The following SHROOM3 variants were observed in gnomAD, a reference collection of about 807,000 sequenced individuals.
The protein encoded by SHROOM3 is protein Shroom3.
In SHROOM3, 47 loss-of-function variants were observed where a neutral mutation model predicts 138.6. The ratio of observed to expected loss-of-function variants is 0.34; its 90% CI spans 0.27 to 0.43. The LOEUF (loss-of-function observed/expected upper bound fraction) is 0.43, where lower values mean the gene tolerates loss of function less well. Among genes scored for constraint, SHROOM3 ranks in the 20% least tolerant of loss-of-function variants. SHROOM3 has a pLI of 1.00. For synonymous variants in SHROOM3, 1,062 were observed against 1,063.3 expected, an observed-to-expected ratio of 1.00 and a Z score of 0.02; for missense variants, 2,491 against 2,596.5, an observed-to-expected ratio of 0.96 and a Z score of 0.88.
intron 2 of SHROOM3, among the ~76,000 whole-genome samples, chr4:76,686,262 T>G (rs1719336223): frequency 6.6e-6 from 1 of 152,054 alleles, no homozygotes; most frequent in Non-Finnish European, 1.5e-5. Context: ...CACCTCAGCC[T>G]CCCAAAGTGC....
chr4:76,577,474 A>T (rs896815391), intron 2 of SHROOM3, among the ~76,000 whole-genome samples: 3 of 152,156 alleles, frequency 2.0e-5, no homozygotes, highest in Non-Finnish European at 4.4e-5. Context: ...GGCAGCAATA[A>T]AGGACAGGGA....
rs200780065 is a variant in SHROOM3, at chr4:76,774,909, T to TA, written c.5623-3898dup. Reference sequence around the variant, plus strand: ...AAGCTATTTTGTATTGAGGTATACTTAAGTGATCTTATTTCTTGATTGATT... The same window carrying TA: ...AAGCTATTTTGTATTGAGGTATACTTAAAGTGATCTTATTTCTTGATTGATT... On this transcript the variant is annotated intron_variant, in intron 10 of 10. Coordinates refer to ENST00000296043, the MANE Select transcript of SHROOM3 (RefSeq NM_020859.4). 8.5e-4 allele frequency among the ~76,000 whole-genome samples: 129 copies of TA among 152,246 alleles called. No homozygotes were observed. In the East Asian group the frequency reaches 0.02, roughly 23 times the overall value.
intron 6 of SHROOM3, among the ~76,000 whole-genome samples, chr4:76,750,478 CA>C (rs1356980160): frequency 2.0e-5 from 3 of 151,894 alleles, no homozygotes; most frequent in African/African-American, 7.3e-5. Flanking sequence ...CACATGGACA[CA>C]AAGAAGGGAA....
chr4:76,696,426 G>A (rs1361808076), intron 2 of SHROOM3, among the ~76,000 whole-genome samples: 7 of 152,314 alleles, frequency 4.6e-5, no homozygotes, highest in South Asian at 2.1e-4. Flanking sequence ...TGGCTGGGGC[G>A]GAGGCCATTG....
At chr4:76,552,325 A>G (rs962921132) in intron 1 of SHROOM3, among the ~76,000 whole-genome samples, 2 of 150,890 alleles carry the variant, frequency 1.3e-5, no homozygotes, top group African/African-American at 2.4e-5. Context: ...CAGGCAACAC[A>G]GCAAAAGCCC....
intron 2 of SHROOM3, among the ~76,000 whole-genome samples, chr4:76,596,007 GCA>G (rs1027040413): frequency 1.3e-5 from 2 of 152,066 alleles, no homozygotes; most frequent in African/African-American, 2.4e-5. Context: ...ACCCCTGCAT[GCA>G]CACACACTGA....
At chr4:76,595,438 CTTCCTTACATTTG>C (rs2110051461) in intron 2 of SHROOM3, among the ~76,000 whole-genome samples, 1 of 152,300 alleles carries the variant, frequency 6.6e-6, no homozygotes, top group Non-Finnish European at 1.5e-5. Context: ...TGATGATTTT[CTTCCTTACATTTG>C]TTCCTCATGG....
chr4:76,635,800 T>A (rs1305200286), intron 2 of SHROOM3, among the ~76,000 whole-genome samples: 2 of 152,154 alleles, frequency 1.3e-5, no homozygotes, highest in African/African-American at 4.8e-5. Flanking sequence ...AGATGTGAGG[T>A]CCTCTGGATC....
Position 76,739,738 on chromosome 4 carries a change from G to C in SHROOM3, c.1565G>C (p.Gly522Ala). The C allele has an allele frequency of 6.2e-7, 1 of 1,614,194 alleles. No individual in the cohort carries two copies. Among genetic ancestry groups the C allele is most frequent in the African/African-American group, 1.3e-5 (1 of 75,036 alleles). The change falls in exon 5 of 11, where the codon GGA becomes GCA. Residue 522 changes from glycine to alanine, a missense_variant. This residue lies in a region of SHROOM3 where 1,733 missense variants were observed against 1,661.6 expected (regional missense o/e 1.04). Coordinates refer to ENST00000296043, the MANE Select transcript of SHROOM3 (RefSeq NM_020859.4). ...ATTGATGAGAATGGGAACCAGAATG[G>C]ATCTGGCAGGCCTGGGTTTGCCTTC... ...ATIDENGNQN[G>A]SGRPGFAFCQ...
At chr4:76,677,174 T>C (rs1485606874) in intron 2 of SHROOM3, among the ~76,000 whole-genome samples, 1 of 152,190 alleles carries the variant, frequency 6.6e-6, no homozygotes, top group Admixed American at 6.5e-5. Context: ...GCTTGGTTTT[T>C]CTTAGTGCCC....
At chr4:76,701,934 C>T (rs1304015167) in intron 2 of SHROOM3, among the ~76,000 whole-genome samples, 1 of 152,028 alleles carries the variant, frequency 6.6e-6, no homozygotes, top group Non-Finnish European at 1.5e-5. Context: ...AAAAATAAGG[C>T]TAATTTTACT....
intron 1 of SHROOM3, among the ~76,000 whole-genome samples, chr4:76,493,027 C>T (rs531357855): frequency 1.6e-4 from 25 of 152,080 alleles, no homozygotes; most frequent in Middle Eastern, 3.4e-3. Flanking sequence ...TCGACACCAA[C>T]CTGACCAGCA....
At chr4:76,558,227 G>C (rs1224422038) in intron 2 of SHROOM3, among the ~76,000 whole-genome samples, 1 of 152,168 alleles carries the variant, frequency 6.6e-6, no homozygotes, top group East Asian at 1.9e-4. Flanking sequence ...ACTTCTTCTA[G>C]TAGAACCTTT....
At chr4:76,547,030 C>T (rs1733235197) in intron 1 of SHROOM3, among the ~76,000 whole-genome samples, 1 of 152,204 alleles carries the variant, frequency 6.6e-6, no homozygotes, top group South Asian at 2.1e-4. Flanking sequence ...GCTTCCTGCT[C>T]CACCGGCAGT....
chr4:76,750,409 GA>G (rs745510206), intron 6 of SHROOM3, among the ~76,000 whole-genome samples: 3 of 151,936 alleles, frequency 2.0e-5, no homozygotes, highest in Non-Finnish European at 4.4e-5. Context: ...AATGAACACA[GA>G]AACAAAAAAA....
chr4:76,754,915 G>A lies in SHROOM3; in HGVS notation c.4432G>A (p.Ala1478Thr), dbSNP rs1721753430. Residue 1478 changes from alanine (A) to threonine (T), a missense_variant, in exon 7 of 11, where the codon GCC (alanine) becomes ACC (threonine). By Grantham distance (58) the Ala-to-Thr change is moderately conservative. Coordinates refer to ENST00000296043, the MANE Select transcript of SHROOM3 (RefSeq NM_020859.4). Reference protein sequence around the residue: ...STSDPDTPLGAPSTPGRISLR... With the variant: ...STSDPDTPLGTPSTPGRISLR... ...TTCTGACCCAGACACACCTCTTGGG[G>A]CCCCGAGCACTCCAGGGAGGATCTC... The A allele has an allele frequency of 6.2e-7, 1 of 1,614,172 alleles. No homozygotes were observed. The highest frequency in any genetic ancestry group is 1.7e-5 in the Admixed American group (1 of 60,030).
chr4:76,455,967 T>C (rs1337435113), intron 1 of SHROOM3, among the ~76,000 whole-genome samples: 5 of 151,992 alleles, frequency 3.3e-5, no homozygotes, highest in African/African-American at 1.2e-4. Flanking sequence ...GTATAGTATT[T>C]GCATATAATC....
chr4:76,450,015 G>A (rs58139176), intron 1 of SHROOM3, among the ~76,000 whole-genome samples: 1 of 152,100 alleles, frequency 6.6e-6, no homozygotes, highest in African/African-American at 2.4e-5. Context: ...ACAGGGAGGG[G>A]TATTTCATCA....
chr4:76,638,327 TTAAAAC>T (rs541353331), intron 2 of SHROOM3, among the ~76,000 whole-genome samples: 63 of 152,102 alleles, frequency 4.1e-4, no homozygotes, highest in African/African-American at 1.4e-3. Context: ...CCCAAAAAAA[TTAAAAC>T]TAAAAGTAAA....
Sources: gnomAD v4.1 joint callset for allele counts (sites outside exome capture counted in the v4.1 genomes callset) on GRCh38, gnomAD v4.1.1 for gene constraint, gnomAD v4.1.1 regional missense constraint, MANE v1.5 for transcripts, NCBI Gene and HGNC (gene_info 2026-07-23, HGNC 2026-07-21) for gene names.